Variants in IKBKB-DT observed in about 807,000 individuals in gnomAD.
The protein encoded by IKBKB-DT is IKBKB divergent transcript, also known as IKBKB antisense RNA.
chr8:42,268,597 C>T (rs1410636752), intron 1 of IKBKB-DT, among the ~76,000 whole-genome samples: 7 of 149,724 alleles, frequency 4.7e-5, no homozygotes, highest in Admixed American at 4.0e-4. Context: ...GATGGAGTCT[C>T]GCTCTGTCGC....
intron 2 of IKBKB-DT, among the ~76,000 whole-genome samples, chr8:42,265,003 C>T (rs1433452744): frequency 2.0e-5 from 3 of 151,854 alleles, no homozygotes; most frequent in Admixed American, 1.3e-4. Context: ...ACTGGGATTA[C>T]AGGTGCTTGC....
intron 3 of IKBKB-DT, among the ~76,000 whole-genome samples, chr8:42,245,201 G>C (rs1257240671): frequency 1.3e-5 from 2 of 152,188 alleles, no homozygotes; most frequent in Non-Finnish European, 2.9e-5. Flanking sequence ...GTTGCAGTTA[G>C]CTGAGATCGC....
chr8:42,249,628 C>T (rs921081352), intron 3 of IKBKB-DT, among the ~76,000 whole-genome samples: 1 of 152,074 alleles, frequency 6.6e-6, no homozygotes, highest in Non-Finnish European at 1.5e-5. Flanking sequence ...AATGCAGAGG[C>T]TAGTGCAGAT....
intron 3 of IKBKB-DT, among the ~76,000 whole-genome samples, chr8:42,255,767 T>C (rs755209790): frequency 3.9e-5 from 6 of 152,186 alleles, no homozygotes; most frequent in Non-Finnish European, 8.8e-5. Context: ...GGCTCACACC[T>C]GTAATCCCAG....
intron 3 of IKBKB-DT, among the ~76,000 whole-genome samples, chr8:42,234,883 G>A (rs190489382): frequency 7.2e-5 from 11 of 152,310 alleles, no homozygotes; most frequent in African/African-American, 2.6e-4. Flanking sequence ...GCCCGCCTTG[G>A]CCTCCCAAAG....
chr8:42,265,948 T>C (rs921934286), exon 2 of IKBKB-DT, among the ~76,000 whole-genome samples: 2 of 152,110 alleles, frequency 1.3e-5, no homozygotes, highest in African/African-American at 2.4e-5. Flanking sequence ...CTTTCCTTCC[T>C]CTTCTGCAGC....
Position 42,247,669 on chromosome 8 carries a change from G to C in IKBKB-DT, n.1530-13810C>G, listed in dbSNP as rs185674895. 1.8e-4 allele frequency among the ~76,000 whole-genome samples: 27 copies of C among 152,320 alleles called. No individual in the cohort carries two copies. In the East Asian group the frequency reaches 5.2e-3, roughly 29 times the overall value. ...AGGTGTTGAGGGAGAGACCTGGTGG[G>C]AGGTGATTGGATCATGGGGGCAGTT... is the stretch of plus-strand genomic sequence containing the variant. On this transcript the variant is annotated intron_variant and non_coding_transcript_variant, in intron 3 of 3. Coordinates refer to ENST00000518213, the Ensembl canonical transcript of IKBKB-DT.
chr8:42,248,074 C>G (rs1807084066), intron 3 of IKBKB-DT, among the ~76,000 whole-genome samples: 1 of 147,820 alleles, frequency 6.8e-6, no homozygotes, highest in Admixed American at 6.9e-5. Flanking sequence ...GCCTGGGCGA[C>G]AGAGCAAGAC....
chr8:42,246,317 A>G (rs1050903409), intron 3 of IKBKB-DT, among the ~76,000 whole-genome samples: 13 of 152,308 alleles, frequency 8.5e-5, no homozygotes, highest in African/African-American at 2.9e-4. Flanking sequence ...TGTAAGCCAC[A>G]GTGCCCAGCC....
chr8:42,255,078 C>T (rs1486682501), intron 3 of IKBKB-DT, among the ~76,000 whole-genome samples: 1 of 151,310 alleles, frequency 6.6e-6, no homozygotes, highest in Non-Finnish European at 1.5e-5. Flanking sequence ...GCGCCGCTGC[C>T]CAGCTGCCCC....
At chr8:42,246,265 C>T (rs189484460) in intron 3 of IKBKB-DT, among the ~76,000 whole-genome samples, 74 of 152,150 alleles carry the variant, frequency 4.9e-4, no homozygotes, top group South Asian at 2.1e-4. Flanking sequence ...TGAGCTCAAG[C>T]GATCCACCCC....
exon 1 of IKBKB-DT, chr8:42,271,191 G>A (rs1039605738): frequency 3.4e-6 from 2 of 595,198 alleles, no homozygotes; most frequent in African/African-American, 1.9e-5. Context: ...CGCCCCGGGG[G>A]AGTCGCCCGG....
chr8:42,262,474 C>G (rs1585468864), intron 3 of IKBKB-DT, among the ~76,000 whole-genome samples: 1 of 143,598 alleles, frequency 7.0e-6, no homozygotes, highest in East Asian at 1.9e-4. Context: ...GAGTCTCACT[C>G]TGTGGCCCAG....
chr8:42,239,837 C>T (rs1806977678), intron 3 of IKBKB-DT, among the ~76,000 whole-genome samples: 1 of 151,086 alleles, frequency 6.6e-6, no homozygotes, highest in Admixed American at 6.6e-5. Flanking sequence ...GGAGGTTTTG[C>T]CATGTTGGCC....
exon 1 of IKBKB-DT, chr8:42,270,996 G>C: frequency 4.8e-6 from 1 of 209,630 alleles, no homozygotes; most frequent in South Asian, 5.5e-5. Flanking sequence ...AAATTCCACC[G>C]AGGTGAAAGC....
chr8:42,268,108 A>C (rs940030491), intron 1 of IKBKB-DT, among the ~76,000 whole-genome samples: 1 of 151,690 alleles, frequency 6.6e-6, no homozygotes, highest in African/African-American at 2.4e-5. Context: ...CACAGTGCCC[A>C]GCACATATAG....
At chr8:42,235,205 CT>C (rs746414963) in intron 3 of IKBKB-DT, among the ~76,000 whole-genome samples, 1,576 of 99,338 alleles carry the variant, frequency 0.016, 6 homozygotes, top group Admixed American at 0.024. Flanking sequence ...CTTTTATTTT[CT>C]TTTTTTTTTT....
At chr8:42,242,845 T>C (rs1198721231) in intron 3 of IKBKB-DT, among the ~76,000 whole-genome samples, 2 of 152,192 alleles carry the variant, frequency 1.3e-5, no homozygotes, top group African/African-American at 2.4e-5. Flanking sequence ...TTCCACATGA[T>C]GGCTGCAGGA....
intron 3 of IKBKB-DT, among the ~76,000 whole-genome samples, chr8:42,258,704 G>A (rs985114619): frequency 1.6e-4 from 25 of 152,000 alleles, no homozygotes; most frequent in Non-Finnish European, 3.7e-4. Flanking sequence ...TCCTGACCTG[G>A]TGATCCGCCC....
Sources: allele counts gnomAD v4.1 joint callset (sites outside exome capture counted in the v4.1 genomes callset), GRCh38; gene constraint gnomAD v4.1.1; transcripts MANE v1.5; gene names NCBI Gene and HGNC (gene_info 2026-07-23, HGNC 2026-07-21).